MAGI2: variants seen among roughly 807,000 people sequenced by gnomAD.
MAGI2 encodes membrane associated guanylate kinase, WW and PDZ domain containing 2, also known as membrane-associated guanylate kinase, WW and PDZ domain-containing protein 2.
In MAGI2, 35 loss-of-function variants were observed where a neutral mutation model predicts 133.3. That is an observed-to-expected ratio of 0.26 (90% CI 0.20 to 0.35). The LOEUF (loss-of-function observed/expected upper bound fraction) is 0.35. Ranked by LOEUF, MAGI2 falls within the 10% of genes least tolerant of loss-of-function variation. The pLI is 1.00. For missense variants in MAGI2, 1,636 were observed against 1,863.4 expected (o/e 0.88, Z 2.25); for synonymous variants, 729 against 710.6 (o/e 1.03, Z -0.41).
intron 21 of MAGI2, among the ~76,000 whole-genome samples, chr7:78,038,500 T>C (rs1810472578): frequency 6.6e-6 from 1 of 152,218 alleles, no homozygotes; most frequent in Admixed American, 6.5e-5. Flanking sequence ...GGAAAAAATT[T>C]GTATGAATTT....
At chr7:79,343,957 T>C (rs1168215878) in intron 1 of MAGI2, among the ~76,000 whole-genome samples, 1 of 152,172 alleles carries the variant, frequency 6.6e-6, no homozygotes. Context: ...TTAAAAAATA[T>C]AATGTATAGA....
At chr7:78,782,581 C>A (rs879761510) in intron 2 of MAGI2, among the ~76,000 whole-genome samples, 25 of 151,762 alleles carry the variant, frequency 1.6e-4, no homozygotes, top group Admixed American at 7.9e-4. Context: ...CCAGGAAGGG[C>A]CTAGGTGCAA....
intron 2 of MAGI2, among the ~76,000 whole-genome samples, chr7:78,690,138 T>C (rs1816803661): frequency 1.3e-5 from 2 of 152,222 alleles, no homozygotes; most frequent in Non-Finnish European, 2.9e-5. Flanking sequence ...TTGAACATAC[T>C]ACATTTTGTA....
At chr7:78,266,384 T>G (rs1001679107) in intron 9 of MAGI2, among the ~76,000 whole-genome samples, 1 of 151,498 alleles carries the variant, frequency 6.6e-6, no homozygotes, top group Non-Finnish European at 1.5e-5. Context: ...TATATTTTGG[T>G]AGAGATGGGA....
At chr7:79,217,804 G>C (rs1023715982) in intron 1 of MAGI2, among the ~76,000 whole-genome samples, 44 of 151,956 alleles carry the variant, frequency 2.9e-4, no homozygotes, top group African/African-American at 1.1e-3. Context: ...ATTACATTTT[G>C]GGTATAAACA....
chr7:79,144,046 T>A (rs1399539450), intron 1 of MAGI2, among the ~76,000 whole-genome samples: 1 of 152,154 alleles, frequency 6.6e-6, no homozygotes, highest in African/African-American at 2.4e-5. Context: ...ACATACAGTA[T>A]CCTACTTGCT....
At chr7:78,294,959 C>A (rs1797083469) in intron 9 of MAGI2, among the ~76,000 whole-genome samples, 1 of 146,774 alleles carries the variant, frequency 6.8e-6, no homozygotes, top group South Asian at 2.1e-4. Flanking sequence ...TTCAGTTATT[C>A]TAACTCATCA....
intron 1 of MAGI2, among the ~76,000 whole-genome samples, chr7:79,187,182 G>A (rs1008740938): frequency 6.6e-6 from 1 of 151,394 alleles, no homozygotes; most frequent in Non-Finnish European, 1.5e-5. Flanking sequence ...AAAACATTAT[G>A]ATGACTTTAA....
At chr7:78,527,119 A>G (rs953266460) in intron 3 of MAGI2, among the ~76,000 whole-genome samples, 1 of 152,168 alleles carries the variant, frequency 6.6e-6, no homozygotes, top group Non-Finnish European at 1.5e-5. Context: ...TGTAATAAAA[A>G]CATTTAATAA....
At chr7:78,291,701 G>A (rs552984147) in intron 9 of MAGI2, among the ~76,000 whole-genome samples, 3 of 152,238 alleles carry the variant, frequency 2.0e-5, no homozygotes, top group East Asian at 1.9e-4. Flanking sequence ...CTGGCAAACC[G>A]AATCCAGCAG....
In MAGI2 at chr7:78,654,776, C is replaced by T. The variant is rs1034438357; in HGVS notation, c.419-27537G>A. Among the ~76,000 whole-genome samples, 11 of 140,738 alleles carry T rather than the reference C, an allele frequency of 7.8e-5. 1 individual carries two copies. In the South Asian group the frequency reaches 2.0e-3, roughly 26 times the overall value. 92.3% of individuals were successfully genotyped at this position (140,738 alleles called of 152,430 possible). On this transcript the variant is annotated intron_variant, in intron 2 of 21. Transcript: ENST00000354212. ...CATATATTTTGCATCGCAACTGGAA[C>T]GAGGTTACAAATTGAGATTTTAATA...
chr7:79,175,144 TG>T (rs1047548614), intron 1 of MAGI2, among the ~76,000 whole-genome samples: 14 of 151,846 alleles, frequency 9.2e-5, no homozygotes, highest in Non-Finnish European at 1.5e-4. Flanking sequence ...TATTTTTCAA[TG>T]AAATAGAGAA....
chr7:79,019,262 G>A (rs541301834), intron 1 of MAGI2, among the ~76,000 whole-genome samples: 27 of 152,266 alleles, frequency 1.8e-4, no homozygotes, highest in Non-Finnish European at 2.2e-4. Context: ...CAATCCCCAC[G>A]TGTCAAGGGC....
At position 78,821,075 on chromosome 7, in the gene MAGI2, T is replaced by C. The variant is rs148703373; in HGVS notation, c.418+186015A>G. Among the ~76,000 whole-genome samples the C allele has an allele frequency of 7.8e-3, 1,183 of 152,166 alleles. 41 individuals carry two copies. Among genetic ancestry groups the C allele is most frequent in the Admixed American group, 0.051 (782 of 15,286 alleles). On this transcript the variant is annotated intron_variant, in intron 2 of 21. Coordinates refer to ENST00000354212, the MANE Select transcript of MAGI2 (RefSeq NM_012301.4). ...CTGAATGCTGCAAGCAAAGATAGTA[T>C]TAGAAACAGCATTTGATTAGTAATA...
chr7:78,684,282 G>T (rs924722870), intron 2 of MAGI2, among the ~76,000 whole-genome samples: 1 of 152,078 alleles, frequency 6.6e-6, no homozygotes, highest in African/African-American at 2.4e-5. Context: ...TTCTAGGAAA[G>T]TATCAAAGAA....
intron 2 of MAGI2, among the ~76,000 whole-genome samples, chr7:78,733,077 A>G (rs772379660): frequency 3.3e-5 from 5 of 151,508 alleles, no homozygotes; most frequent in Non-Finnish European, 7.4e-5. Context: ...ATAATAATAA[A>G]TTCTCAAAAT....
intron 1 of MAGI2, among the ~76,000 whole-genome samples, chr7:79,297,426 A>G (rs183153529): frequency 6.6e-6 from 1 of 152,180 alleles, no homozygotes; most frequent in African/African-American, 2.4e-5. Flanking sequence ...ACAGTCATTT[A>G]CAGGCTCTTC....
At chr7:78,263,593 C>T (rs1290921100) in intron 9 of MAGI2, among the ~76,000 whole-genome samples, 1 of 152,072 alleles carries the variant, frequency 6.6e-6, no homozygotes, top group Non-Finnish European at 1.5e-5. Flanking sequence ...TAAGACATTG[C>T]TAAATCTCCA....
chr7:78,188,590 T>C (rs1254006049), intron 12 of MAGI2, among the ~76,000 whole-genome samples: 1 of 152,188 alleles, frequency 6.6e-6, no homozygotes, highest in Non-Finnish European at 1.5e-5. Context: ...CTTATTTTAA[T>C]ATTTCACTAA....
Sources: gnomAD v4.1 joint callset for allele counts (sites outside exome capture counted in the v4.1 genomes callset) on GRCh38, gnomAD v4.1.1 for gene constraint, MANE v1.5 for transcripts, NCBI Gene and HGNC (gene_info 2026-07-23, HGNC 2026-07-21) for gene names.